MEIS2: variants seen among roughly 807,000 people sequenced by gnomAD.
MEIS2 encodes Meis homeobox 2.
Under a neutral mutation model 58.6 loss-of-function variants are expected in MEIS2, and 9 were observed. The ratio of observed to expected loss-of-function variants is 0.15; its 90% confidence interval spans 0.09 to 0.27. The LOEUF is 0.27. MEIS2 is among the 10% of genes least tolerant of loss of function. MEIS2 has a pLI of 1.00. For synonymous variants in MEIS2, 221 were observed against 228.4 expected (o/e 0.97, Z 0.29); for missense variants, 427 against 635.0 (o/e 0.67, Z 3.52).
At chr15:36,896,504 TA>T (rs397941848) in intron 10 of MEIS2, 123 bp downstream of exon 10, 38,521 of 534,598 alleles carry the variant, frequency 0.072, 2 homozygotes, top group East Asian at 0.094. Flanking sequence ...CTGGGGACAT[TA>T]AAAAAAAAAA....
intron 8 of MEIS2, among the ~76,000 whole-genome samples, chr15:36,997,046 G>T (rs540443069): frequency 1.3e-5 from 2 of 152,246 alleles, no homozygotes; most frequent in South Asian, 4.2e-4. Context: ...AAAAGTTCAG[G>T]GTAAAAAGCA....
chr15:36,997,629 G>A (rs2060570843), intron 8 of MEIS2, among the ~76,000 whole-genome samples: 1 of 151,440 alleles, frequency 6.6e-6, no homozygotes, highest in South Asian at 2.1e-4. Context: ...ACAGGCACCT[G>A]CCACCACGCC....
At chr15:36,920,108 C>G (rs2057438558) in intron 9 of MEIS2, among the ~76,000 whole-genome samples, 1 of 151,204 alleles carries the variant, frequency 6.6e-6, no homozygotes, top group African/African-American at 2.4e-5. Context: ...CACTTAGCAA[C>G]CTATACTGCT....
chr15:36,930,301 A>G (rs2057924904), intron 9 of MEIS2, among the ~76,000 whole-genome samples: 1 of 151,924 alleles, frequency 6.6e-6, no homozygotes, highest in Non-Finnish European at 1.5e-5. Flanking sequence ...AGGAATGGTT[A>G]TATAAAACAT....
chr15:37,057,579 A>G (rs1264410269), intron 7 of MEIS2, among the ~76,000 whole-genome samples: 1 of 152,196 alleles, frequency 6.6e-6, no homozygotes, highest in Non-Finnish European at 1.5e-5. Context: ...AAAGGGCTCA[A>G]CGGGGCCTCC....
At chr15:36,903,889 C>T (rs1185103407) in intron 9 of MEIS2, 2 of 152,210 alleles carry the variant, frequency 1.3e-5, no homozygotes, top group Non-Finnish European at 2.9e-5. Context: ...ATGCACCAAG[C>T]TGTTTAGCAA....
chr15:37,076,636 T>C (rs900113331), intron 7 of MEIS2, among the ~76,000 whole-genome samples: 3 of 152,028 alleles, frequency 2.0e-5, no homozygotes, highest in African/African-American at 7.2e-5. Context: ...TTTAAAGTGG[T>C]TTTTGAGAAT....
chr15:36,920,398 C>T (rs998237180), intron 9 of MEIS2, among the ~76,000 whole-genome samples: 21 of 152,306 alleles, frequency 1.4e-4, no homozygotes, highest in African/African-American at 5.1e-4. Flanking sequence ...CCACCCGCCT[C>T]GGCCTCCCAA....
At chr15:36,972,069 T>C (rs1351337841) in intron 8 of MEIS2, among the ~76,000 whole-genome samples, 1 of 152,194 alleles carries the variant, frequency 6.6e-6, no homozygotes, top group African/African-American at 2.4e-5. Flanking sequence ...AAACTATAAA[T>C]GTAAAACTAA....
chr15:36,979,059 T>C (rs1029538889), intron 8 of MEIS2, among the ~76,000 whole-genome samples: 1 of 152,134 alleles, frequency 6.6e-6, no homozygotes, highest in African/African-American at 2.4e-5. Flanking sequence ...CCTCTGAAAA[T>C]CTGAAACTTG....
chr15:37,099,026 C>G (rs995037755), intron 1 of MEIS2: 5 of 983,056 alleles, frequency 5.1e-6, no homozygotes, highest in South Asian at 4.5e-5. Context: ...GCGGCGGCCC[C>G]GGCGGCGGCT....
At chr15:36,986,293 C>A (rs1567145303) in intron 8 of MEIS2, among the ~76,000 whole-genome samples, 1 of 152,228 alleles carries the variant, frequency 6.6e-6, no homozygotes, top group Non-Finnish European at 1.5e-5. Context: ...TCCGAACTTT[C>A]TCTTTAGTAC....
At chr15:36,919,331 C>T (rs961448425) in intron 9 of MEIS2, among the ~76,000 whole-genome samples, 12 of 152,142 alleles carry the variant, frequency 7.9e-5, no homozygotes, top group African/African-American at 2.7e-4. Flanking sequence ...GTAACCCCAG[C>T]ACTTTGGGAG....
At chr15:36,943,116 A>T (rs1595775561) in intron 9 of MEIS2, among the ~76,000 whole-genome samples, 1 of 152,260 alleles carries the variant, frequency 6.6e-6, no homozygotes, top group South Asian at 2.1e-4. Flanking sequence ...TTGCTATGGG[A>T]TAATTGTGTA....
At chr15:36,957,653 C>T (rs1264989721) in intron 8 of MEIS2, among the ~76,000 whole-genome samples, 5 of 152,200 alleles carry the variant, frequency 3.3e-5, no homozygotes, top group Admixed American at 3.3e-4. Context: ...GCACCTGTGT[C>T]ACATCCCTCA....
At chr15:37,067,136 C>T (rs1401113176) in intron 7 of MEIS2, among the ~76,000 whole-genome samples, 1 of 147,508 alleles carries the variant, frequency 6.8e-6, no homozygotes, top group African/African-American at 2.5e-5. Context: ...GTCACCCAGG[C>T]TGGAGTGCAG....
intron 7 of MEIS2, among the ~76,000 whole-genome samples, chr15:37,065,872 T>G (rs17437794): frequency 1.8e-4 from 27 of 152,144 alleles, no homozygotes; most frequent in Non-Finnish European, 3.8e-4. Context: ...GCAGATCTTA[T>G]TATTCCCAAA....
chr15:37,095,677 G>A, intron 3 of MEIS2, 63 bp from the exon 4 acceptor site: 1 of 1,612,488 alleles, frequency 6.2e-7, no homozygotes, highest in East Asian at 2.2e-5. Context: ...GCTGAAATGT[G>A]AGAATGGGTA....
chr15:37,074,795 T>A (rs374126546), intron 7 of MEIS2, among the ~76,000 whole-genome samples: 2 of 152,018 alleles, frequency 1.3e-5, no homozygotes, highest in Non-Finnish European at 2.9e-5. Context: ...AACTCATGTC[T>A]CTCTGTCTTC....
Sources: gnomAD v4.1 joint callset for allele counts (sites outside exome capture counted in the v4.1 genomes callset) on GRCh38, gnomAD v4.1.1 for gene constraint, MANE v1.5 for transcripts, NCBI Gene and HGNC (gene_info 2026-07-23, HGNC 2026-07-21) for gene names.